The following MPP7 variants were observed in gnomAD, a reference collection of about 807,000 sequenced individuals.
MPP7 encodes the protein MAGUK p55 subfamily member 7.
MPP7 carries 60 observed loss-of-function variants against 76.5 expected under a neutral mutation model. The ratio of observed to expected loss-of-function variants is 0.78; its 90% confidence interval spans 0.64 to 0.97. The LOEUF (loss-of-function observed/expected upper bound fraction) is 0.97. MPP7 is among the 50% of genes least tolerant of loss of function. The pLI is 0.00. For synonymous variants in MPP7, 237 were observed against 244.5 expected (o/e 0.97, Z 0.29); for missense variants, 641 against 694.0 (o/e 0.92, Z 0.86).
intron 2 of MPP7, among the ~76,000 whole-genome samples, chr10:28,226,969 C>A (rs1838713042): frequency 1.3e-5 from 2 of 152,138 alleles, no homozygotes; most frequent in Admixed American, 1.3e-4. Flanking sequence ...TTTTACCTTA[C>A]CATTAAAGGA....
intron 15 of MPP7, 92 bp downstream of exon 15, chr10:28,058,403 T>G (rs912698078): frequency 1.7e-6 from 1 of 596,972 alleles, no homozygotes; most frequent in African/African-American, 1.9e-5. Flanking sequence ...AAAAGTGAGT[T>G]GACTTCATAT....
intron 2 of MPP7, among the ~76,000 whole-genome samples, chr10:28,314,508 C>G (rs558958497): frequency 6.6e-6 from 1 of 152,112 alleles, no homozygotes; most frequent in African/African-American, 2.4e-5. Context: ...CTAGCTTCCG[C>G]GTATGTTCAC....
chr10:28,333,641 C>A (rs1354444641), intron 1 of MPP7, among the ~76,000 whole-genome samples: 1 of 152,188 alleles, frequency 6.6e-6, no homozygotes, highest in African/African-American at 2.4e-5. Context: ...GCAAATTTGG[C>A]AGCACAGATA....
intron 1 of MPP7, among the ~76,000 whole-genome samples, chr10:28,240,953 A>ATG (rs1158493974): frequency 6.6e-6 from 1 of 152,096 alleles, no homozygotes; most frequent in Admixed American, 6.5e-5. Context: ...TATTTATTAT[A>ATG]TGTGTGTGTA....
intron 1 of MPP7, among the ~76,000 whole-genome samples, chr10:28,249,967 T>C (rs1839560983): frequency 6.6e-6 from 1 of 152,006 alleles, no homozygotes; most frequent in East Asian, 1.9e-4. Flanking sequence ...AACATTTTGA[T>C]TTAAAATGTA....
chr10:28,179,306 C>T (rs906192524), intron 3 of MPP7, among the ~76,000 whole-genome samples: 1 of 152,080 alleles, frequency 6.6e-6, no homozygotes, highest in African/African-American at 2.4e-5. Flanking sequence ...ACTCAAAGCA[C>T]CAAAAACCTG....
At chr10:28,170,622 C>T (rs887464594) in intron 3 of MPP7, among the ~76,000 whole-genome samples, 10 of 150,270 alleles carry the variant, frequency 6.7e-5, no homozygotes, top group Admixed American at 6.7e-5. Flanking sequence ...TATAATTATA[C>T]ATGTATTATT....
chr10:28,235,515 A>G (rs1449404375), intron 2 of MPP7, among the ~76,000 whole-genome samples: 1 of 152,196 alleles, frequency 6.6e-6, no homozygotes, highest in Non-Finnish European at 1.5e-5. Context: ...GATATTAAAA[A>G]TATACATGGA....
chr10:28,166,400 ATTT>A lies in MPP7; in HGVS notation c.157-16344_157-16342del, dbSNP rs34887665. Among the ~76,000 whole-genome samples the A allele has an allele frequency of 6.2e-4, 58 of 93,416 alleles. No homozygotes were observed. In the East Asian group the frequency reaches 7.0e-3, roughly 11 times the overall value. 61.3% of individuals were successfully genotyped at this position (93,416 alleles called of 152,430 possible). On this transcript the variant is annotated intron_variant, in intron 3 of 16. Coordinates refer to ENST00000683449, the MANE Select transcript of MPP7 (RefSeq NM_001318170.2). ...TACCCAGATTATTTTTTACCTTTTA[ATTT>A]TTTTTTTTTTTTTTTTTTTTTGGGA... is the stretch of plus-strand genomic sequence containing the variant.
intron 13 of MPP7, among the ~76,000 whole-genome samples, chr10:28,067,267 T>A (rs1318712587): frequency 6.6e-6 from 1 of 152,220 alleles, no homozygotes; most frequent in East Asian, 1.9e-4. Flanking sequence ...ACTGGTGGTA[T>A]AAGCAAAGCA....
intron 1 of MPP7, among the ~76,000 whole-genome samples, chr10:28,284,322 G>A (rs1325858265): frequency 6.6e-6 from 1 of 152,142 alleles, no homozygotes; most frequent in East Asian, 1.9e-4. Flanking sequence ...TGTTGTCTAG[G>A]CACCAAGTCT....
chr10:28,286,528 G>C (rs1840795681), intron 1 of MPP7, among the ~76,000 whole-genome samples: 1 of 152,142 alleles, frequency 6.6e-6, no homozygotes, highest in African/African-American at 2.4e-5. Flanking sequence ...AACCTCAGAG[G>C]AGACAGATCA....
chr10:28,333,824 A>C (rs1834491907), intron 1 of MPP7, among the ~76,000 whole-genome samples: 1 of 152,216 alleles, frequency 6.6e-6, no homozygotes, highest in Non-Finnish European at 1.5e-5. Flanking sequence ...TTTCCTCCCA[A>C]ACATCCAAAC....
intron 3 of MPP7, among the ~76,000 whole-genome samples, chr10:28,151,582 C>G (rs546151188): frequency 1.3e-5 from 2 of 152,148 alleles, no homozygotes; most frequent in Non-Finnish European, 2.9e-5. Flanking sequence ...TAAGAACTTA[C>G]CAGGTGCCTG....
At chr10:28,162,176 A>G (rs1836284934) in intron 3 of MPP7, among the ~76,000 whole-genome samples, 1 of 152,224 alleles carries the variant, frequency 6.6e-6, no homozygotes, top group South Asian at 2.1e-4. Flanking sequence ...ACTGTTTTCC[A>G]TCAAATTAAT....
At chr10:28,177,483 G>A (rs557999155) in intron 3 of MPP7, among the ~76,000 whole-genome samples, 66 of 151,808 alleles carry the variant, frequency 4.3e-4, no homozygotes, top group African/African-American at 1.3e-3. Context: ...GTGAAAATTC[G>A]TAGATTAATT....
At chr10:28,217,537 A>AG (rs1554852919) in intron 2 of MPP7, among the ~76,000 whole-genome samples, 1 of 138,174 alleles carries the variant, frequency 7.2e-6, no homozygotes, top group South Asian at 2.3e-4. Context: ...AAAAAAAAAA[A>AG]AAAAGAAAAG....
chr10:28,163,055 A>G (rs1353843129), intron 3 of MPP7, among the ~76,000 whole-genome samples: 1 of 152,136 alleles, frequency 6.6e-6, no homozygotes, highest in East Asian at 1.9e-4. Context: ...TTGTCATGTA[A>G]GGTGACACAG....
chr10:28,150,890 T>A (rs928137077), intron 3 of MPP7, among the ~76,000 whole-genome samples: 2 of 152,174 alleles, frequency 1.3e-5, no homozygotes, highest in Admixed American at 1.3e-4. Context: ...ACAAAAGACG[T>A]GTTGACAAAC....
Sources: gnomAD v4.1 joint callset for allele counts (sites outside exome capture counted in the v4.1 genomes callset) on GRCh38, gnomAD v4.1.1 for gene constraint, MANE v1.5 for transcripts, NCBI Gene and HGNC (gene_info 2026-07-23, HGNC 2026-07-21) for gene names.